The following PTPRT variants were observed in gnomAD, a reference collection of about 807,000 sequenced individuals.
PTPRT encodes the protein protein tyrosine phosphatase receptor type T.
PTPRT carries 56 observed loss-of-function variants against 176.8 expected under a neutral mutation model. The ratio of observed to expected loss-of-function variants is 0.32; its 90% confidence interval spans 0.26 to 0.40. The LOEUF (loss-of-function observed/expected upper bound fraction) is 0.40, where lower values mean the gene tolerates loss of function less well. Among genes scored for constraint, PTPRT ranks in the 10% least tolerant of loss-of-function variants. The pLI is 1.00. For synonymous variants in PTPRT, 783 were observed against 739.0 expected (o/e 1.06, Z -0.96); for missense variants, 1,540 against 1,908.2 (o/e 0.81, Z 3.60).
Position 42,104,687 on chromosome 20 carries a change from A to C in PTPRT, c.3422T>G (p.Leu1141Arg), listed in dbSNP as rs757825216. The C allele has an allele frequency of 6.3e-7, 1 of 1,590,206 alleles. No homozygotes were observed. The highest frequency in any genetic ancestry group is 8.6e-7 in the Non-Finnish European group (1 of 1,158,124). The change falls in exon 25 of 31, where the codon CTG (leucine) becomes CGG (arginine). Residue 1141 changes from leucine (L) to arginine (R), a missense_variant. Transcript: ENST00000373187. ...AGTGTTGCCACAGAGGCACGCTTCC[A>C]GGATGGCATCGTGCACAAACACATA... is the stretch of plus-strand genomic sequence containing the variant. ...EQYVFVHDAI[L>R]EACLCGNTAI... is the part of the protein sequence containing the mutation.
chr20:43,012,643 T>A (rs540562164), intron 1 of PTPRT, among the ~76,000 whole-genome samples: 52 of 152,304 alleles, frequency 3.4e-4, no homozygotes, highest in South Asian at 8.3e-4. Flanking sequence ...TCCAAAGCCA[T>A]GAGAAGAATG....
At chr20:42,667,330 C>T (rs2146025764) in intron 7 of PTPRT, among the ~76,000 whole-genome samples, 1 of 152,248 alleles carries the variant, frequency 6.6e-6, no homozygotes, top group Non-Finnish European at 1.5e-5. Flanking sequence ...AATTATACCT[C>T]CCTCACAAGC....
At chr20:42,767,416 C>T (rs2076998180) in intron 5 of PTPRT, among the ~76,000 whole-genome samples, 2 of 152,078 alleles carry the variant, frequency 1.3e-5, no homozygotes, top group Admixed American at 1.3e-4. Flanking sequence ...CAGTGGTCTT[C>T]TCCTGAACTT....
At chr20:42,452,277 A>C (rs971537023) in intron 8 of PTPRT, among the ~76,000 whole-genome samples, 1 of 151,962 alleles carries the variant, frequency 6.6e-6, no homozygotes, top group Non-Finnish European at 1.5e-5. Context: ...CAAAAAAAAA[A>C]AAAATTCAGA....
intron 15 of PTPRT, among the ~76,000 whole-genome samples, chr20:42,201,944 A>G: frequency 1.5e-5 from 1 of 67,514 alleles, no homozygotes; most frequent in Admixed American, 1.3e-4. Flanking sequence ...AAGAAGAGAA[A>G]AGTTGCGTGT....
intron 11 of PTPRT, among the ~76,000 whole-genome samples, chr20:42,333,853 G>T (rs2058003073): frequency 6.6e-6 from 1 of 152,062 alleles, no homozygotes; most frequent in Non-Finnish European, 1.5e-5. Flanking sequence ...GCTAATGTTT[G>T]TATTTTTAGT....
intron 2 of PTPRT, among the ~76,000 whole-genome samples, chr20:42,818,956 G>A (rs113394062): frequency 6.6e-6 from 1 of 152,134 alleles, no homozygotes; most frequent in Non-Finnish European, 1.5e-5. Context: ...GGGGAGAGTG[G>A]AAACAAGCTG....
chr20:42,711,569 A>G (rs778937397), intron 6 of PTPRT, among the ~76,000 whole-genome samples: 61 of 152,246 alleles, frequency 4.0e-4, no homozygotes, highest in Non-Finnish European at 7.4e-4. Flanking sequence ...TGCTGGCACT[A>G]TGCTTCATAT....
rs148584705 is a variant in PTPRT at position 42,843,211 on chromosome 20, A to G, written c.214+42596T>C. 3.7e-3 allele frequency among the ~76,000 whole-genome samples: 568 copies of G among 152,368 alleles called. 1 individual carries two copies. The highest frequency in any genetic ancestry group is 5.2e-3 in the Non-Finnish European group (356 of 68,038). On this transcript the variant is annotated intron_variant, in intron 2 of 30. Coordinates refer to ENST00000373187, the MANE Select transcript of PTPRT (RefSeq NM_007050.6). The stretch of plus-strand genomic sequence containing the variant: ...CCTAAAGAGATTTGGAAAATAAACT[A>G]TAGCTATTAATAGCTTCCGATAGAC...
At chr20:42,085,644 C>A in intron 28 of PTPRT, 84 bp downstream of exon 28, 1 of 1,562,134 alleles carries the variant, frequency 6.4e-7, no homozygotes, top group Non-Finnish European at 8.7e-7. Context: ...AGACTCTTGG[C>A]TGGCTCAGCG....
intron 15 of PTPRT, among the ~76,000 whole-genome samples, chr20:42,201,945 A>T (rs1991467396): frequency 3.0e-5 from 2 of 65,924 alleles, no homozygotes; most frequent in Admixed American, 2.7e-4. Context: ...AGAAGAGAAA[A>T]GTTGCGTGTG....
intron 2 of PTPRT, among the ~76,000 whole-genome samples, chr20:42,816,566 GT>G: frequency 6.6e-6 from 1 of 152,152 alleles, no homozygotes. Flanking sequence ...TCAGAGGGAG[GT>G]TTCCCCCATG....
chr20:42,098,449 A>G lies in PTPRT; in HGVS notation c.3818T>C (p.Val1273Ala). The change falls in exon 27 of 31, where the codon GTG (valine) becomes GCG (alanine). Residue 1273 changes from valine (V) to alanine (A), a missense_variant. By Grantham distance (64) the Val-to-Ala change is moderately conservative (BLOSUM62 0). This residue lies in a region of PTPRT where 342 missense variants were observed against 394.0 expected (regional missense o/e 0.87). Coordinates refer to ENST00000373187, the MANE Select transcript of PTPRT (RefSeq NM_007050.6). ...LVFDYNCSSV[V>A]MLNEMDTAQF... ...GGCAGTGTCCATCTCATTCAGCATC[A>G]CCACAGAGGAGCAGTTGTAATCGAA... is the stretch of plus-strand genomic sequence containing the variant. The G allele has an allele frequency of 1.2e-6, 2 of 1,614,136 alleles. No individual in the cohort carries two copies. The highest frequency in any genetic ancestry group is 1.7e-6 in the Non-Finnish European group (2 of 1,179,996).
intron 7 of PTPRT, among the ~76,000 whole-genome samples, chr20:42,539,255 G>A (rs988546929): frequency 6.6e-6 from 1 of 152,046 alleles, no homozygotes; most frequent in Non-Finnish European, 1.5e-5. Context: ...TATAGACTTA[G>A]GAAATATGCA....
At chr20:42,389,181 C>T (rs1031031209) in intron 9 of PTPRT, among the ~76,000 whole-genome samples, 40 of 151,560 alleles carry the variant, frequency 2.6e-4, no homozygotes, top group African/African-American at 8.5e-4. Flanking sequence ...ATGTAAATGA[C>T]GAGTTAATGG....
At chr20:42,678,866 A>G (rs2075553982) in intron 6 of PTPRT, among the ~76,000 whole-genome samples, 1 of 152,208 alleles carries the variant, frequency 6.6e-6, no homozygotes, top group South Asian at 2.1e-4. Context: ...CCTGAGGTCT[A>G]TAAACATTTC....
intron 2 of PTPRT, among the ~76,000 whole-genome samples, chr20:42,850,084 A>T (rs1443585380): frequency 1.3e-5 from 2 of 152,184 alleles, no homozygotes; most frequent in African/African-American, 4.8e-5. Context: ...CCACTGCATA[A>T]ACTGAATTTG....
chr20:42,137,597 G>A (rs990216627), intron 18 of PTPRT, among the ~76,000 whole-genome samples: 4 of 152,112 alleles, frequency 2.6e-5, no homozygotes, highest in African/African-American at 7.2e-5. Flanking sequence ...GTGTGCTCTC[G>A]GGCAGGGCAC....
chr20:42,050,296 A>G, the PTPRT span, among the ~76,000 whole-genome samples: 9 of 152,148 alleles, frequency 5.9e-5, no homozygotes, highest in East Asian at 3.9e-4. Context: ...AAGGATTGGT[A>G]GCATTTACAA....
Sources: gnomAD v4.1 joint callset for allele counts (sites outside exome capture counted in the v4.1 genomes callset) on GRCh38, gnomAD v4.1.1 for gene constraint, gnomAD v4.1.1 regional missense constraint, MANE v1.5 for transcripts, NCBI Gene and HGNC (gene_info 2026-07-23, HGNC 2026-07-21) for gene names.